SRRM4: variants seen among roughly 807,000 people sequenced by gnomAD.
The protein encoded by SRRM4 is serine/arginine repetitive matrix protein 4.
A neutral mutation model predicts 68.9 loss-of-function variants in SRRM4; 33 were observed. The ratio of observed to expected loss-of-function variants is 0.48; its 90% CI spans 0.36 to 0.64. SRRM4 has a LOEUF of 0.64. Ranked by LOEUF, SRRM4 falls within the 30% of genes least tolerant of loss-of-function variation. The pLI is 0.00. For synonymous variants in SRRM4, 318 were observed against 318.8 expected, an observed-to-expected ratio of 1.00 and a Z score of 0.03; for missense variants, 817 against 827.1, an observed-to-expected ratio of 0.99 and a Z score of 0.15.
chr12:119,081,084 T>C (rs570573199), intron 1 of SRRM4, among the ~76,000 whole-genome samples: 11 of 152,312 alleles, frequency 7.2e-5, no homozygotes, highest in African/African-American at 2.6e-4. Context: ...CCAGGCACTA[T>C]TCAAAGATCC....
rs1385471879 is a variant in SRRM4 at position 119,122,051 on chromosome 12, T to C, written c.465-19T>C. ...CTAGAATTTTGCATCTTTCAATTAA[T>C]TGACCATTTCTTGTTTAGCTCCTCT... On this transcript the variant is annotated intron_variant, in intron 5 of 12. Transcript: ENST00000267260. 16 of 1,571,454 alleles carry C rather than the reference T, an allele frequency of 1.0e-5. No homozygotes were observed. The highest frequency in any genetic ancestry group is 3.3e-5 in the South Asian group (3 of 90,186).
intron 1 of SRRM4, among the ~76,000 whole-genome samples, chr12:119,067,157 T>C (rs548094510): frequency 6.6e-6 from 1 of 152,018 alleles, no homozygotes; most frequent in Non-Finnish European, 1.5e-5. Flanking sequence ...TTCATTTTTT[T>C]TTTTGGATAG....
At chr12:119,136,196 A>T (rs896334608) in intron 8 of SRRM4, among the ~76,000 whole-genome samples, 4 of 152,206 alleles carry the variant, frequency 2.6e-5, no homozygotes, top group African/African-American at 9.7e-5. Flanking sequence ...ATCGCAGGTG[A>T]ACTTCACAAC....
chr12:119,070,217 GA>G (rs35318757), intron 1 of SRRM4, among the ~76,000 whole-genome samples: 84,481 of 145,254 alleles, frequency 0.58, 24,926 homozygotes, highest in Middle Eastern at 0.75. Flanking sequence ...ACACAGGTGA[GA>G]AAAAAAAAAA....
chr12:119,037,809 C>T (rs574196422), intron 1 of SRRM4, among the ~76,000 whole-genome samples: 2 of 152,256 alleles, frequency 1.3e-5, no homozygotes, highest in Admixed American at 6.5e-5. Context: ...CTTGAAATAT[C>T]GGGGTTCTCA....
intron 1 of SRRM4, among the ~76,000 whole-genome samples, chr12:119,097,904 T>G (rs11611821): frequency 3.3e-5 from 5 of 152,354 alleles, no homozygotes; most frequent in Admixed American, 6.5e-5. Context: ...TATTCAATGC[T>G]AAATTCCTCA....
At chr12:119,106,872 A>T (rs912536702) in intron 2 of SRRM4, among the ~76,000 whole-genome samples, 1 of 152,226 alleles carries the variant, frequency 6.6e-6, no homozygotes, top group Non-Finnish European at 1.5e-5. Context: ...GAGAGAGGGC[A>T]TCCCTGTCTT....
rs1954451545 is a variant in SRRM4 at position 119,153,480 on chromosome 12, C to G, written c.1281-59C>G. The stretch of plus-strand genomic sequence containing the variant: ...ACCCGCTGAATAAAGCTCAAGCCGT[C>G]TTGGATAACCCAGGCGGACACTCAG... On this transcript the variant is annotated intron_variant, in intron 10 of 12. Transcript: ENST00000267260. 3 of 1,203,782 alleles carry G rather than the reference C, an allele frequency of 2.5e-6. No individual in the cohort carries two copies. The East Asian group carries it at 7.7e-5, about 31-fold the overall frequency. 74.6% of individuals were successfully genotyped at this position (1,203,782 alleles called of 1,614,324 possible).
At chr12:119,116,426 C>G (rs1022611916) in intron 3 of SRRM4, among the ~76,000 whole-genome samples, 1 of 152,110 alleles carries the variant, frequency 6.6e-6, no homozygotes, top group African/African-American at 2.4e-5. Flanking sequence ...AAGGAGAAAC[C>G]CTGAGACTTT....
At chr12:119,111,729 T>G (rs1247862759) in intron 2 of SRRM4, among the ~76,000 whole-genome samples, 3 of 152,202 alleles carry the variant, frequency 2.0e-5, no homozygotes, top group African/African-American at 7.2e-5. Context: ...GCTTTTGCCC[T>G]GTGACAAGCA....
chr12:119,155,124 A>G (rs1340608999), intron 12 of SRRM4, among the ~76,000 whole-genome samples: 1 of 152,266 alleles, frequency 6.6e-6, no homozygotes, highest in East Asian at 1.9e-4. Context: ...TTGAATGCAG[A>G]GTACACAATG....
At chr12:119,123,605 C>T (rs1447933220) in intron 6 of SRRM4, among the ~76,000 whole-genome samples, 1 of 152,006 alleles carries the variant, frequency 6.6e-6, no homozygotes, top group East Asian at 1.9e-4. Context: ...AGCAGGGCAT[C>T]AGAAAGCTTG....
rs34680171 is a variant in SRRM4, at chr12:119,126,014, C to CTTTTTTTTTTTTTTTTTT, written c.614+545_614+562dup. Among the ~76,000 whole-genome samples the CTTTTTTTTTTTTTTTTTT allele has an allele frequency of 2.0e-4, 14 of 71,162 alleles. 1 individual carries two copies. Among genetic ancestry groups the CTTTTTTTTTTTTTTTTTT allele is most frequent in the Non-Finnish European group, 2.7e-4 (11 of 40,032 alleles). 46.7% of individuals were successfully genotyped at this position (71,162 alleles called of 152,430 possible). A position where few individuals can be genotyped will look rare whatever the true frequency, so the allele number is the denominator to read the frequency against. On this transcript the variant is annotated intron_variant, in intron 7 of 12. Coordinates refer to ENST00000267260, the MANE Select transcript of SRRM4 (RefSeq NM_194286.4). ...AGGAATGACAACACCATACTAGCTGCTTTTTTTTTTTTTTTTTTTTTTTTT... is the reference window on the plus strand; with the variant it reads ...AGGAATGACAACACCATACTAGCTGCTTTTTTTTTTTTTTTTTTTTTTTTTTTTTTTTTTTTTTTTTTT...
chr12:119,134,000 A>G (rs1348685368), intron 8 of SRRM4, among the ~76,000 whole-genome samples: 3 of 152,176 alleles, frequency 2.0e-5, no homozygotes, highest in Admixed American at 6.5e-5. Flanking sequence ...GGGTGAGCCA[A>G]TGAAGGGGGA....
chr12:119,060,666 G>A (rs575060050), intron 1 of SRRM4, among the ~76,000 whole-genome samples: 5 of 151,986 alleles, frequency 3.3e-5, no homozygotes, highest in African/African-American at 9.6e-5. Flanking sequence ...TGAGGCCCGG[G>A]ACTTCAACCG....
rs765887644 is a variant in SRRM4 at position 119,162,413 on chromosome 12, C to A, written c.*5615C>A. The A allele has an allele frequency of 2.6e-5, 4 of 152,216 alleles. No homozygotes were observed. The highest frequency in any genetic ancestry group is 4.4e-5 in the Non-Finnish European group (3 of 68,042). The allele number at this position is 152,216 out of a possible 1,614,324, so 9.4% of individuals were successfully genotyped here. A position where few individuals can be genotyped will look rare whatever the true frequency, so the allele number is the denominator to read the frequency against. ...GAGACCAAGATGGGCTTACCTTGCC[C>A]TGCTCTGGATTTAACCATTGTTCAT... On this transcript the variant is annotated 3_prime_UTR_variant, in exon 13 of 13. Transcript: ENST00000267260.
In SRRM4 at chr12:119,124,573, C is replaced by G. The variant is rs1954245370; in HGVS notation, c.516-808C>G. 2.0e-5 allele frequency among the ~76,000 whole-genome samples: 3 copies of G among 152,230 alleles called. No homozygotes were observed. The South Asian group carries it at 6.2e-4, about 31-fold the overall frequency. ...TATATATCTTCAATTACCACTGCCG[C>G]TGCCACTACTATTTCTGAATTATTA... On this transcript the variant is annotated intron_variant, in intron 6 of 12. Transcript: ENST00000267260.
At chr12:118,994,372 A>G (rs560031481) in intron 1 of SRRM4, among the ~76,000 whole-genome samples, 1 of 152,246 alleles carries the variant, frequency 6.6e-6, no homozygotes, top group Admixed American at 6.5e-5. Flanking sequence ...AATGTTTTCC[A>G]GGAAAGCTCA....
Position 119,116,993 on chromosome 12 carries a change from A to G in SRRM4, c.422A>G (p.Lys141Arg). The change falls in exon 4 of 13, where the codon AAA (lysine) becomes AGA (arginine). Residue 141 changes from lysine (K) to arginine (R), a missense_variant. Coordinates refer to ENST00000267260, the MANE Select transcript of SRRM4 (RefSeq NM_194286.4). ...AAAAAGAAGAAGAAAAGTTCCAAGA[A>G]ACACAAGCGACGCAGGTATTGTCCT... ...VKKKKKKSSKKHKRRRSFSKK... is the reference protein window; with the variant it reads ...VKKKKKKSSKRHKRRRSFSKK... The G allele has an allele frequency of 6.2e-7, 1 of 1,613,904 alleles. No individual in the cohort carries two copies. The highest frequency in any genetic ancestry group is 8.5e-7 in the Non-Finnish European group (1 of 1,179,836).
Sources: gnomAD v4.1 joint callset for allele counts (sites outside exome capture counted in the v4.1 genomes callset) on GRCh38, gnomAD v4.1.1 for gene constraint, MANE v1.5 for transcripts, NCBI Gene and HGNC (gene_info 2026-07-23, HGNC 2026-07-21) for gene names.